RORA: variants seen among roughly 807,000 people sequenced by gnomAD.
The protein encoded by RORA is RAR related orphan receptor A.
Under a neutral mutation model 69.5 loss-of-function variants are expected in RORA, and 7 were observed. That is an observed-to-expected ratio of 0.10 (90% CI 0.06 to 0.19). The LOEUF (loss-of-function observed/expected upper bound fraction) is 0.19. RORA is among the 10% of genes least tolerant of loss of function. The pLI, the probability that RORA is intolerant of heterozygous loss-of-function variation, is 1.00. For synonymous variants in RORA, 261 were observed against 240.8 expected, an observed-to-expected ratio of 1.08 and a Z score of -0.78; for missense variants, 457 against 663.0, an observed-to-expected ratio of 0.69 and a Z score of 3.41.
chr15:60,695,315 GCCC>G (rs2070886201), intron 1 of RORA, among the ~76,000 whole-genome samples: 1 of 152,100 alleles, frequency 6.6e-6, no homozygotes, highest in Non-Finnish European at 1.5e-5. Flanking sequence ...CACTAACTTA[GCCC>G]AACCCTTAGC....
At chr15:60,776,595 G>T (rs548100677) in intron 1 of RORA, among the ~76,000 whole-genome samples, 1 of 152,192 alleles carries the variant, frequency 6.6e-6, no homozygotes, top group African/African-American at 2.4e-5. Flanking sequence ...ACAGCAGAGC[G>T]TAGATCCTGC....
intron 1 of RORA, among the ~76,000 whole-genome samples, chr15:60,894,476 C>T (rs1891174990): frequency 6.6e-6 from 1 of 152,192 alleles, no homozygotes; most frequent in South Asian, 2.1e-4. Flanking sequence ...TCCGAAGTCA[C>T]AAAGCAAAAT....
chr15:60,770,763 C>T (rs574427124), intron 1 of RORA, among the ~76,000 whole-genome samples: 10 of 152,282 alleles, frequency 6.6e-5, no homozygotes, highest in South Asian at 6.2e-4. Context: ...GCTGAGACTA[C>T]GTGAATGCTT....
intron 1 of RORA, among the ~76,000 whole-genome samples, chr15:60,886,192 T>G (rs1053124081): frequency 1.3e-5 from 2 of 152,146 alleles, no homozygotes; most frequent in African/African-American, 4.8e-5. Context: ...CATGGTTTTT[T>G]GTAAGGCAGA....
chr15:60,959,327 T>G (rs945755002), intron 1 of RORA, among the ~76,000 whole-genome samples: 1 of 152,178 alleles, frequency 6.6e-6, no homozygotes, highest in African/African-American at 2.4e-5. Context: ...TAATTTCAAG[T>G]ATGTGGCATC....
chr15:60,851,494 C>T lies in RORA; in HGVS notation c.167-172808G>A, dbSNP rs1350792642. Among the ~76,000 whole-genome samples, 3 of 152,082 alleles carry T rather than the reference C, an allele frequency of 2.0e-5. No homozygotes were observed. The East Asian group carries it at 5.8e-4, about 29-fold the overall frequency. On this transcript the variant is annotated intron_variant, in intron 1 of 10. Coordinates refer to ENST00000335670, the MANE Select transcript of RORA (RefSeq NM_134261.3). ...TGAGGTCCCAGGGTGCTGGGGTGTT[C>T]TAGGTCCCAGGCTATCCAAATCATA...
chr15:60,663,256 G>C (rs1193083124), intron 2 of RORA, among the ~76,000 whole-genome samples: 1 of 152,140 alleles, frequency 6.6e-6, no homozygotes, highest in Admixed American at 6.5e-5. Context: ...AGATACCTTC[G>C]TTTATTTAAG....
At position 60,534,997 on chromosome 15, in the gene RORA, C is replaced by T. The variant is rs1427025155; in HGVS notation, c.197-3146G>A. On this transcript the variant is annotated intron_variant, in intron 2 of 10. Transcript: ENST00000335670. This position sits in a 1 kb window ranked among gnomAD's most constrained non-coding sequence, Gnocchi z 5.0. ...TTGTCAATTTGAGTTTTCAGTCCAA[C>T]AAGAAGGAGGAAGACAAAAATCCCT... is the stretch of plus-strand genomic sequence containing the variant. Among the ~76,000 whole-genome samples, 1 of 152,214 alleles carries T rather than the reference C, an allele frequency of 6.6e-6. No individual in the cohort carries two copies. The highest frequency in any genetic ancestry group is 2.4e-5 in the African/African-American group (1 of 41,462).
rs1262693642 is a variant in RORA at position 61,147,402 on chromosome 15, C to T, written c.166+81651G>A. Among the ~76,000 whole-genome samples the T allele has an allele frequency of 6.6e-6, 1 of 152,164 alleles. No homozygotes were observed. Among genetic ancestry groups the T allele is most frequent in the East Asian group, 1.9e-4 (1 of 5,186 alleles). Reference sequence around the variant, plus strand: ...CGTGAGGCTCACCCTCCCTCCCCAGCCCTCCAGGAAGAGAGAGGTGGGTAA... The same window carrying T: ...CGTGAGGCTCACCCTCCCTCCCCAGTCCTCCAGGAAGAGAGAGGTGGGTAA... On this transcript the variant is annotated intron_variant, in intron 1 of 10. Coordinates refer to ENST00000335670, the MANE Select transcript of RORA (RefSeq NM_134261.3). This position sits in a 1 kb window ranked among gnomAD's most constrained non-coding sequence, Gnocchi z 4.1.
At position 61,128,416 on chromosome 15, in the gene RORA, C is replaced by T. The variant is rs1335331483; in HGVS notation, c.166+100637G>A. Among the ~76,000 whole-genome samples, 1 of 152,148 alleles carries T rather than the reference C, an allele frequency of 6.6e-6. No homozygotes were observed. Among genetic ancestry groups the T allele is most frequent in the Non-Finnish European group, 1.5e-5 (1 of 68,042 alleles). ...CAGGATCTCAAATGATGCTGTAATT[C>T]CAGCAGGCTCCTGTTTGCAGTTAAC... On this transcript the variant is annotated intron_variant, in intron 1 of 10. Coordinates refer to ENST00000335670, the MANE Select transcript of RORA (RefSeq NM_134261.3). This position sits in a 1 kb window ranked among gnomAD's most constrained non-coding sequence, Gnocchi z 4.5.
chr15:60,946,154 C>T (rs575674899), intron 1 of RORA, among the ~76,000 whole-genome samples: 2 of 152,196 alleles, frequency 1.3e-5, no homozygotes, highest in South Asian at 2.1e-4. Context: ...TTCCGCACAG[C>T]GTCCCCCACC....
chr15:60,572,812 T>G (rs1202138066), intron 2 of RORA, among the ~76,000 whole-genome samples: 1 of 152,204 alleles, frequency 6.6e-6, no homozygotes, highest in South Asian at 2.1e-4. Context: ...AAAAACAACC[T>G]GAGAGGCAGC....
chr15:60,845,807 T>C (rs927919751), intron 1 of RORA, among the ~76,000 whole-genome samples: 7 of 152,200 alleles, frequency 4.6e-5, no homozygotes, highest in African/African-American at 1.7e-4. Context: ...AGTGCAGTGG[T>C]GCGATCTCCG....
chr15:60,937,871 A>G (rs926594687), intron 1 of RORA, among the ~76,000 whole-genome samples: 6 of 152,224 alleles, frequency 3.9e-5, no homozygotes, highest in African/African-American at 2.4e-5. Flanking sequence ...TGAAGATTCT[A>G]TATGTGAAAA....
chr15:60,926,370 C>A (rs1892218755), intron 1 of RORA, among the ~76,000 whole-genome samples: 1 of 152,334 alleles, frequency 6.6e-6, no homozygotes, highest in Admixed American at 6.5e-5. Context: ...GCCAAAGTCT[C>A]ACACTCCCCA....
chr15:60,513,695 A>C (rs1192779010), intron 4 of RORA, among the ~76,000 whole-genome samples: 4 of 152,356 alleles, frequency 2.6e-5, no homozygotes, highest in African/African-American at 9.6e-5. Flanking sequence ...AGTGGTGCAC[A>C]GAGTGCCTCT....
chr15:60,944,600 C>A (rs998604152), intron 1 of RORA, among the ~76,000 whole-genome samples: 8 of 149,812 alleles, frequency 5.3e-5, no homozygotes, highest in African/African-American at 2.0e-4. Flanking sequence ...TGGCAAGCAT[C>A]TGTGATCTCA....
intron 2 of RORA, among the ~76,000 whole-genome samples, chr15:60,656,396 AT>A (rs1468533174): frequency 2.0e-5 from 3 of 152,240 alleles, no homozygotes; most frequent in Non-Finnish European, 4.4e-5. Flanking sequence ...GGCGTTTACA[AT>A]TTAGCAGGGG....
intron 2 of RORA, among the ~76,000 whole-genome samples, chr15:60,620,708 G>A (rs2069381376): frequency 6.6e-6 from 1 of 152,222 alleles, no homozygotes; most frequent in African/African-American, 2.4e-5. Flanking sequence ...CAAAGGCTCT[G>A]GAAGTTACCA....
Sources: gnomAD v4.1 joint callset for allele counts (sites outside exome capture counted in the v4.1 genomes callset) on GRCh38, gnomAD v4.1.1 for gene constraint, Gnocchi (gnomAD v3.1) non-coding constraint, MANE v1.5 for transcripts, NCBI Gene and HGNC (gene_info 2026-07-23, HGNC 2026-07-21) for gene names.